ESF1: variants seen among roughly 807,000 people sequenced by gnomAD.
ESF1 encodes ESF1 homolog.
In ESF1, 58 loss-of-function variants were observed where a neutral mutation model predicts 92.0. That is an observed-to-expected ratio of 0.63 (90% CI 0.51 to 0.78). ESF1 has a LOEUF of 0.78. ESF1 is among the 30% of genes least tolerant of loss of function. The pLI is 0.00. For synonymous variants in ESF1, 321 were observed against 313.7 expected, an observed-to-expected ratio of 1.02 and a Z score of -0.24; for missense variants, 922 against 989.1, an observed-to-expected ratio of 0.93 and a Z score of 0.91.
intron 10 of ESF1, among the ~76,000 whole-genome samples, chr20:13,731,583 A>C (rs1041495621): frequency 4.6e-5 from 7 of 151,412 alleles, no homozygotes; most frequent in African/African-American, 1.5e-4. Flanking sequence ...GAGTTTGAAA[A>C]GGAGTTCTAG....
At chr20:13,781,055 T>C (rs1310555771) in intron 2 of ESF1, among the ~76,000 whole-genome samples, 1 of 152,200 alleles carries the variant, frequency 6.6e-6, no homozygotes, top group Non-Finnish European at 1.5e-5. Context: ...GCGTCCCCTA[T>C]GAATTTTTCT....
At position 13,743,089 on chromosome 20, in the gene ESF1, T is replaced by C. The variant is rs201310601; in HGVS notation, c.1829-9247A>G. On this transcript the variant is annotated intron_variant, in intron 9 of 13. Transcript: ENST00000617257. ...CTCTTAAGAATATTTATAAGTTATA[T>C]AAAACTATATACAATGTTCCAAAGA... Among the ~76,000 whole-genome samples, 18 of 152,278 alleles carry C rather than the reference T, an allele frequency of 1.2e-4. No homozygotes were observed. In the East Asian group the frequency reaches 3.3e-3, roughly 28 times the overall value.
chr20:13,760,756 TG>T (rs545049811), intron 8 of ESF1, among the ~76,000 whole-genome samples: 2 of 131,398 alleles, frequency 1.5e-5, no homozygotes, highest in Non-Finnish European at 1.6e-5. Flanking sequence ...GGGAGGGAGG[TG>T]GGGGGGTCAG....
chr20:13,781,002 A>G (rs760363171), intron 2 of ESF1, among the ~76,000 whole-genome samples: 4 of 152,086 alleles, frequency 2.6e-5, no homozygotes, highest in African/African-American at 4.8e-5. Context: ...CATGTAGCAC[A>G]CTCTGGTCCT....
At chr20:13,756,531 C>G (rs117483958) in intron 9 of ESF1, among the ~76,000 whole-genome samples, 2,520 of 152,242 alleles carry the variant, frequency 0.017, 20 homozygotes, top group Non-Finnish European at 0.024. Context: ...AGTATTCATG[C>G]CCTTTCTTAG....
At chr20:13,728,089 C>T (rs913821130) in intron 11 of ESF1, among the ~76,000 whole-genome samples, 2 of 152,134 alleles carry the variant, frequency 1.3e-5, no homozygotes, top group Admixed American at 6.5e-5. Context: ...TTTATAGAGT[C>T]GATCTGACTG....
At chr20:13,737,588 T>G (rs116949358) in intron 9 of ESF1, among the ~76,000 whole-genome samples, 2,823 of 152,252 alleles carry the variant, frequency 0.019, 33 homozygotes, top group Non-Finnish European at 0.028. Context: ...ATTCCAAAAG[T>G]AGCTTTTAAA....
intron 2 of ESF1, among the ~76,000 whole-genome samples, chr20:13,777,758 G>A (rs543883322): frequency 1.2e-4 from 18 of 152,272 alleles, no homozygotes; most frequent in African/African-American, 4.3e-4. Flanking sequence ...TCTACTTGGT[G>A]TGTAGATATA....
At chr20:13,744,976 G>C (rs1479221135) in intron 9 of ESF1, among the ~76,000 whole-genome samples, 1 of 152,184 alleles carries the variant, frequency 6.6e-6, no homozygotes, top group Non-Finnish European at 1.5e-5. Flanking sequence ...TGTCTATTCT[G>C]TTCAATACTC....
chr20:13,772,724 A>G (rs994261510), intron 4 of ESF1, 109 bp from the exon 5 acceptor site: 5 of 721,924 alleles, frequency 6.9e-6, no homozygotes, highest in Non-Finnish European at 9.5e-6. Context: ...CAATGAAAAC[A>G]GTAAGGGTGA....
At chr20:13,717,810 A>G (rs927049619) in intron 12 of ESF1, among the ~76,000 whole-genome samples, 19 of 152,232 alleles carry the variant, frequency 1.2e-4, no homozygotes, top group African/African-American at 4.3e-4. Flanking sequence ...TGCAGGAACA[A>G]GAGTCCCCAA....
chr20:13,773,092 G>C lies in ESF1; in HGVS notation c.1150-477C>G, dbSNP rs137877667. 2.0e-5 allele frequency among the ~76,000 whole-genome samples: 3 copies of C among 152,236 alleles called. No individual in the cohort carries two copies. In the East Asian group the frequency reaches 5.8e-4, roughly 29 times the overall value. On this transcript the variant is annotated intron_variant, in intron 4 of 13. Coordinates refer to ENST00000617257, the MANE Select transcript of ESF1 (RefSeq NM_001276380.2). The stretch of plus-strand genomic sequence containing the variant: ...TTTAAAGAAATAGAACAGAACTGAC[G>C]ACAACCTTATACAGATTAGGTATAG...
At position 13,763,500 on chromosome 20, in the gene ESF1, T is replaced by C. The variant is rs138864046; in HGVS notation, c.1666+3277A>G. 1.7e-3 allele frequency among the ~76,000 whole-genome samples: 261 copies of C among 152,372 alleles called. 2 individuals carry two copies. The highest frequency in any genetic ancestry group is 6.1e-3 in the African/African-American group (252 of 41,598). ...AATCTTCACAAGTGTACATAAAAAG[T>C]TATCTTTTTTCCTTTATCTTACAGC... On this transcript the variant is annotated intron_variant, in intron 8 of 13. Coordinates refer to ENST00000617257, the MANE Select transcript of ESF1 (RefSeq NM_001276380.2).
chr20:13,759,919 T>C (rs35664838), intron 8 of ESF1, 66 bp from the exon 9 acceptor site: 123,548 of 1,498,678 alleles, frequency 0.082, 5,594 homozygotes, highest in Non-Finnish European at 0.092. Context: ...TCAGATCTTA[T>C]GGTCACTCTC....
chr20:13,777,307 G>C (rs1979988181), intron 2 of ESF1, among the ~76,000 whole-genome samples: 2 of 152,180 alleles, frequency 1.3e-5, no homozygotes, highest in African/African-American at 4.8e-5. Context: ...AAGTGTCAAA[G>C]ATGAGTCATA....
intron 9 of ESF1, among the ~76,000 whole-genome samples, chr20:13,748,593 T>TA (rs1466247619): frequency 0.01 from 123 of 11,794 alleles, 2 homozygotes; most frequent in African/African-American, 0.029. Flanking sequence ...TATATATATA[T>TA]TTTTTTTTTT....
chr20:13,772,863 C>G (rs1462442124), intron 4 of ESF1, among the ~76,000 whole-genome samples: 1 of 152,038 alleles, frequency 6.6e-6, no homozygotes, highest in South Asian at 2.1e-4. Context: ...CCTCCACATA[C>G]CACCTGGGAC....
At chr20:13,731,960 T>C (rs1043806100) in intron 10 of ESF1, among the ~76,000 whole-genome samples, 1 of 151,978 alleles carries the variant, frequency 6.6e-6, no homozygotes, top group Non-Finnish European at 1.5e-5. Flanking sequence ...CCCCATACCT[T>C]ACCCTATTTC....
intron 8 of ESF1, chr20:13,762,953 C>T (rs1474058335): frequency 2.7e-5 from 7 of 261,490 alleles, no homozygotes; most frequent in African/African-American, 4.8e-5. Context: ...CTCTGCCTCC[C>T]GGGTTCATGC....
Sources: gnomAD v4.1 joint callset for allele counts (sites outside exome capture counted in the v4.1 genomes callset) on GRCh38, gnomAD v4.1.1 for gene constraint, MANE v1.5 for transcripts, NCBI Gene and HGNC (gene_info 2026-07-23, HGNC 2026-07-21) for gene names.